The following EPHA6 variants were observed in gnomAD, a reference collection of about 807,000 sequenced individuals.
EPHA6 encodes EPH receptor A6, also known as ephrin type-A receptor 6.
EPHA6 carries 50 observed loss-of-function variants against 112.0 expected under a neutral mutation model. The ratio of observed to expected loss-of-function variants is 0.45; its 90% CI spans 0.36 to 0.56. The LOEUF (loss-of-function observed/expected upper bound fraction) is 0.56, where lower values mean the gene tolerates loss of function less well. Ranked by LOEUF, EPHA6 falls within the 20% of genes least tolerant of loss-of-function variation. The probability of loss-of-function intolerance (pLI) is 0.00; values close to 1 mark genes in which losing one functional copy is unlikely to be tolerated. For synonymous variants in EPHA6, 529 were observed against 490.7 expected, an observed-to-expected ratio of 1.08 and a Z score of -1.03; for missense variants, 1,280 against 1,417.4, an observed-to-expected ratio of 0.90 and a Z score of 1.56.
intron 3 of EPHA6, among the ~76,000 whole-genome samples, chr3:97,111,990 G>A (rs1256790113): frequency 6.6e-6 from 1 of 151,936 alleles, no homozygotes; most frequent in Non-Finnish European, 1.5e-5. Flanking sequence ...TTTAGATTTT[G>A]CCACTAATTG....
intron 1 of EPHA6, among the ~76,000 whole-genome samples, chr3:96,853,965 A>G (rs1169252224): frequency 6.6e-6 from 1 of 152,004 alleles, no homozygotes; most frequent in Non-Finnish European, 1.5e-5. Flanking sequence ...AGATTTTCTT[A>G]TAGTTGCTTT....
At chr3:96,831,390 C>T (rs901146052) in intron 1 of EPHA6, among the ~76,000 whole-genome samples, 18 of 152,054 alleles carry the variant, frequency 1.2e-4, no homozygotes, top group African/African-American at 4.3e-4. Context: ...TGATTTTCTT[C>T]CAATTCGCAT....
intron 14 of EPHA6, among the ~76,000 whole-genome samples, chr3:97,716,123 G>T (rs539303804): frequency 1.3e-5 from 2 of 151,982 alleles, no homozygotes; most frequent in East Asian, 3.9e-4. Context: ...GTTCATTCCC[G>T]AAACCTGAAG....
At chr3:96,983,470 C>T (rs1311690962) in intron 2 of EPHA6, among the ~76,000 whole-genome samples, 1 of 152,198 alleles carries the variant, frequency 6.6e-6, no homozygotes, top group Admixed American at 6.5e-5. Flanking sequence ...ACCTTTCTCT[C>T]TGGCTGCCCT....
intron 10 of EPHA6, among the ~76,000 whole-genome samples, chr3:97,510,212 A>G (rs1343783220): frequency 6.6e-6 from 1 of 152,148 alleles, no homozygotes; most frequent in Admixed American, 6.6e-5. Flanking sequence ...CTTATTCTGC[A>G]TCCAGTTTTG....
intron 5 of EPHA6, among the ~76,000 whole-genome samples, chr3:97,249,973 A>G (rs1285933114): frequency 6.6e-6 from 1 of 152,234 alleles, no homozygotes; most frequent in Non-Finnish European, 1.5e-5. Context: ...CATGAGGAAG[A>G]ACTAAACAGA....
At chr3:97,195,728 T>C (rs2077423178) in intron 3 of EPHA6, among the ~76,000 whole-genome samples, 1 of 152,036 alleles carries the variant, frequency 6.6e-6, no homozygotes, top group African/African-American at 2.4e-5. Context: ...TTTATTTTTC[T>C]CCATATTTGA....
At chr3:97,643,306 A>T (rs1248455222) in intron 14 of EPHA6, among the ~76,000 whole-genome samples, 2 of 151,938 alleles carry the variant, frequency 1.3e-5, no homozygotes, top group African/African-American at 4.8e-5. Context: ...AAACATGGAA[A>T]GGAACAACCG....
chr3:97,467,003 C>A (rs1344762591), intron 7 of EPHA6, among the ~76,000 whole-genome samples: 1 of 151,738 alleles, frequency 6.6e-6, no homozygotes, highest in African/African-American at 2.4e-5. Context: ...ACGATTTTTT[C>A]GGTGGAGAAT....
At chr3:97,032,661 C>T (rs1366904338) in intron 3 of EPHA6, among the ~76,000 whole-genome samples, 11 of 151,710 alleles carry the variant, frequency 7.3e-5, no homozygotes, top group African/African-American at 1.7e-4. Flanking sequence ...TGTGTGTAAT[C>T]GAGAATTCTA....
intron 14 of EPHA6, among the ~76,000 whole-genome samples, chr3:97,666,791 A>G (rs1008818366): frequency 6.6e-6 from 1 of 152,188 alleles, no homozygotes; most frequent in African/African-American, 2.4e-5. Flanking sequence ...ACAACCCCCT[A>G]TGTCTGAGAT....
intron 2 of EPHA6, among the ~76,000 whole-genome samples, chr3:96,876,421 A>G (rs1315501391): frequency 2.0e-5 from 3 of 151,172 alleles, no homozygotes; most frequent in Non-Finnish European, 4.4e-5. Flanking sequence ...CCAAGTTACC[A>G]TAGTTGCATC....
At chr3:97,096,757 CTTTTA>C (rs1471700997) in intron 3 of EPHA6, among the ~76,000 whole-genome samples, 1 of 151,744 alleles carries the variant, frequency 6.6e-6, no homozygotes, top group African/African-American at 2.4e-5. Context: ...AAAAATGTCA[CTTTTA>C]TTTAAAGTTA....
intron 11 of EPHA6, among the ~76,000 whole-genome samples, chr3:97,533,600 A>G (rs982219800): frequency 1.3e-5 from 2 of 151,970 alleles, no homozygotes; most frequent in Admixed American, 6.6e-5. Flanking sequence ...TTTTTCCCAT[A>G]TTGATTCTGG....
chr3:97,491,618 CTTTTT>C (rs5851067), intron 10 of EPHA6, among the ~76,000 whole-genome samples: 11 of 139,738 alleles, frequency 7.9e-5, no homozygotes, highest in African/African-American at 2.9e-4. Flanking sequence ...TAAGGGTATG[CTTTTT>C]TTTTTTTTTT....
At chr3:97,029,208 A>G (rs1013456265) in intron 3 of EPHA6, among the ~76,000 whole-genome samples, 8 of 151,674 alleles carry the variant, frequency 5.3e-5, no homozygotes, top group African/African-American at 1.9e-4. Context: ...AGATATAAAC[A>G]GAGTAATTTG....
At chr3:97,213,593 A>G (rs374934608) in intron 3 of EPHA6, among the ~76,000 whole-genome samples, 1 of 152,158 alleles carries the variant, frequency 6.6e-6, no homozygotes, top group South Asian at 2.1e-4. Context: ...TTTCCAGTTC[A>G]TTCAGGGCAG....
At chr3:96,923,340 C>T (rs1286014654) in intron 2 of EPHA6, among the ~76,000 whole-genome samples, 1 of 152,140 alleles carries the variant, frequency 6.6e-6, no homozygotes, top group Admixed American at 6.6e-5. Context: ...TTCTGACTGG[C>T]GTGAGTGGTA....
chr3:97,079,709 A>G (rs2046658775), intron 3 of EPHA6, among the ~76,000 whole-genome samples: 2 of 151,960 alleles, frequency 1.3e-5, no homozygotes, highest in South Asian at 2.1e-4. Context: ...ATTGAATACT[A>G]CAAAGAAATT....
Sources: gnomAD v4.1 joint callset for allele counts (sites outside exome capture counted in the v4.1 genomes callset) on GRCh38, gnomAD v4.1.1 for gene constraint, MANE v1.5 for transcripts, NCBI Gene and HGNC (gene_info 2026-07-23, HGNC 2026-07-21) for gene names.